The following MMP26 variants were observed in gnomAD, a reference collection of about 807,000 sequenced individuals.
MMP26 encodes matrix metalloproteinase-26.
Under a neutral mutation model 31.0 loss-of-function variants are expected in MMP26, and 33 were observed. The ratio of observed to expected loss-of-function variants is 1.06; its 90% confidence interval spans 0.81 to 1.42. The LOEUF is 1.42. Among genes scored for constraint, MMP26 ranks in the 40% most tolerant of loss-of-function variants. The pLI is 0.00. For missense variants in MMP26, 347 were observed against 316.1 expected (o/e 1.10, Z -0.74); for synonymous variants, 122 against 114.9 (o/e 1.06, Z -0.40).
Position 4,821,426 on chromosome 11 carries a change from C to T in MMP26, c.-145+54085C>T, listed in dbSNP as rs202173777. ...CTGTCTTCTCAGTGCTTCCCTATGTCGGTCCTCAATAATACCATTGCTGAG... is the reference window on the plus strand; with the variant it reads ...CTGTCTTCTCAGTGCTTCCCTATGTTGGTCCTCAATAATACCATTGCTGAG... On this transcript the variant is annotated intron_variant, in intron 2 of 7. Coordinates refer to ENST00000380390, the MANE Select transcript of MMP26 (RefSeq NM_021801.5). 88 of 1,613,696 alleles carry T rather than the reference C, an allele frequency of 5.5e-5. No homozygotes were observed. In the Middle Eastern group the frequency reaches 8.2e-4, roughly 15 times the overall value.
intron 1 of MMP26, chr11:4,711,839 T>C (rs1484763336): frequency 1.3e-5 from 2 of 152,200 alleles, no homozygotes; most frequent in Admixed American, 6.5e-5. Flanking sequence ...CTATCCACTT[T>C]GATGAATTAT....
intron 2 of MMP26, among the ~76,000 whole-genome samples, chr11:4,820,797 C>T (rs1353774417): frequency 6.6e-6 from 1 of 152,124 alleles, no homozygotes; most frequent in Non-Finnish European, 1.5e-5. Context: ...CGATCTATCT[C>T]CAAGAGTTGG....
chr11:4,826,430 T>A (rs1849579129), intron 2 of MMP26, among the ~76,000 whole-genome samples: 1 of 152,108 alleles, frequency 6.6e-6, no homozygotes, highest in Admixed American at 6.6e-5. Flanking sequence ...AGAAGCTATC[T>A]CAGCTTCAGT....
At chr11:4,769,751 C>G (rs746797802) in intron 2 of MMP26, 25 of 1,613,840 alleles carry the variant, frequency 1.5e-5, no homozygotes, top group Non-Finnish European at 1.9e-5. Context: ...TTCATGGAGA[C>G]TCTGCTGGGT....
intron 2 of MMP26, among the ~76,000 whole-genome samples, chr11:4,916,673 A>G (rs534688272): frequency 6.6e-6 from 1 of 152,300 alleles, no homozygotes; most frequent in East Asian, 1.9e-4. Flanking sequence ...AATGCTGCTC[A>G]GCTTACAGAA....
intron 2 of MMP26, among the ~76,000 whole-genome samples, chr11:4,897,101 C>T (rs1010265891): frequency 6.9e-6 from 1 of 145,152 alleles, no homozygotes; most frequent in African/African-American, 2.5e-5. Context: ...TATATGTATA[C>T]ACACACACAC....
chr11:4,782,638 C>A (rs1324643521), intron 2 of MMP26, among the ~76,000 whole-genome samples: 2 of 147,696 alleles, frequency 1.4e-5, no homozygotes, highest in African/African-American at 2.6e-5. Context: ...ATTCCCAAGA[C>A]AACGGGGAAA....
chr11:4,857,077 G>A (rs1850064638), intron 2 of MMP26, among the ~76,000 whole-genome samples: 1 of 152,128 alleles, frequency 6.6e-6, no homozygotes, highest in African/African-American at 2.4e-5. Context: ...AAAGCAGTGT[G>A]TAGAGGGAAA....
At chr11:4,985,750 A>G (rs1332285775) in intron 2 of MMP26, among the ~76,000 whole-genome samples, 1 of 152,196 alleles carries the variant, frequency 6.6e-6, no homozygotes, top group Non-Finnish European at 1.5e-5. Context: ...GTTTAATGGT[A>G]TGATATATGA....
intron 2 of MMP26, among the ~76,000 whole-genome samples, chr11:4,881,298 G>A (rs141545205): frequency 3.8e-4 from 58 of 152,150 alleles, no homozygotes; most frequent in Middle Eastern, 3.4e-3. Context: ...TTGCCTTTAT[G>A]AGATATCATT....
At chr11:4,922,978 G>A (rs1263233724) in intron 2 of MMP26, among the ~76,000 whole-genome samples, 2 of 152,150 alleles carry the variant, frequency 1.3e-5, no homozygotes, top group Non-Finnish European at 2.9e-5. Context: ...ATAAAAATAT[G>A]TTTAAACAGT....
chr11:4,862,447 A>G (rs1345635375), intron 2 of MMP26, among the ~76,000 whole-genome samples: 1 of 152,212 alleles, frequency 6.6e-6, no homozygotes, highest in Non-Finnish European at 1.5e-5. Context: ...GAAGTCTTAG[A>G]ATCCCTCAAA....
intron 2 of MMP26, among the ~76,000 whole-genome samples, chr11:4,967,117 T>C (rs563889961): frequency 6.6e-6 from 1 of 152,318 alleles, no homozygotes; most frequent in South Asian, 2.1e-4. Context: ...GAAAGGATAG[T>C]TTTATTCTCA....
At chr11:4,709,937 C>T (rs1564891674) in intron 1 of MMP26, 1 of 456,942 alleles carries the variant, frequency 2.2e-6, no homozygotes, top group South Asian at 1.5e-5. Context: ...TGGCCTTTGA[C>T]CGCTTTATTG....
chr11:4,799,419 G>A (rs980967593), intron 2 of MMP26, among the ~76,000 whole-genome samples: 1 of 152,082 alleles, frequency 6.6e-6, no homozygotes, highest in African/African-American at 2.4e-5. Flanking sequence ...TGAACTAACT[G>A]AAGGAGAACT....
chr11:4,969,458 A>G (rs1413193379), intron 2 of MMP26, among the ~76,000 whole-genome samples: 2 of 152,066 alleles, frequency 1.3e-5, no homozygotes, highest in East Asian at 3.8e-4. Context: ...TTCAAGGTAA[A>G]CATAACACCA....
chr11:4,808,931 C>T (rs1400304862), intron 2 of MMP26, among the ~76,000 whole-genome samples: 1 of 150,688 alleles, frequency 6.6e-6, no homozygotes, highest in Non-Finnish European at 1.5e-5. Context: ...TTCCTTTTCT[C>T]ACAGACTTAT....
intron 2 of MMP26, chr11:4,821,522 G>C: frequency 6.2e-7 from 1 of 1,609,136 alleles, no homozygotes; most frequent in Non-Finnish European, 8.5e-7. Flanking sequence ...ATCCCTTTTT[G>C]TCTCCTATAT....
At chr11:4,799,245 CTG>C (rs370483403) in intron 2 of MMP26, among the ~76,000 whole-genome samples, 126 of 152,276 alleles carry the variant, frequency 8.3e-4, no homozygotes, top group African/African-American at 2.8e-3. Flanking sequence ...AGGCTGCAGA[CTG>C]TACGAGCATG....
Sources: gnomAD v4.1 joint callset for allele counts (sites outside exome capture counted in the v4.1 genomes callset) on GRCh38, gnomAD v4.1.1 for gene constraint, MANE v1.5 for transcripts, NCBI Gene and HGNC (gene_info 2026-07-23, HGNC 2026-07-21) for gene names.